NSDHL: variants seen among roughly 807,000 people sequenced by gnomAD.
NSDHL encodes sterol-4-alpha-carboxylate 3-dehydrogenase, decarboxylating.
In NSDHL, 1 loss-of-function variant was observed where a neutral mutation model predicts 23.0. That is an observed-to-expected ratio of 0.04 (90% confidence interval 0.02 to 0.21). The LOEUF is 0.21. Ranked by LOEUF, NSDHL falls within the 10% of genes least tolerant of loss-of-function variation. The pLI is 1.00. For synonymous variants in NSDHL, 128 were observed against 121.1 expected, an observed-to-expected ratio of 1.06 and a Z score of -0.37; for missense variants, 237 against 300.9, an observed-to-expected ratio of 0.79 and a Z score of 1.57.
At chrX:152,858,673 A>C in intron 3 of NSDHL, 97 bp from the exon 4 acceptor site, 2 of 697,003 alleles carry the variant, frequency 2.9e-6, no homozygotes, top group Non-Finnish European at 4.6e-6. Flanking sequence ...TTATAAGACA[A>C]GGAACCTACA....
At chrX:152,836,721 C>G (rs908627086) in intron 1 of NSDHL, among the ~76,000 whole-genome samples, 1 of 111,690 alleles carries the variant, frequency 9.0e-6, no homozygotes, top group Non-Finnish European at 1.9e-5. Context: ...TAGTATAGTT[C>G]GAAGTCAAGT....
At chrX:152,840,820 G>T (rs781824323) in intron 1 of NSDHL, among the ~76,000 whole-genome samples, 7 of 112,848 alleles carry the variant, frequency 6.2e-5, no homozygotes. Flanking sequence ...CATGCTGGGA[G>T]AACTACTGCT....
intron 1 of NSDHL, among the ~76,000 whole-genome samples, chrX:152,833,604 CTT>C (rs782000879): frequency 8.9e-6 from 1 of 112,447 alleles, no homozygotes; most frequent in South Asian, 3.7e-4. Flanking sequence ...TGTGCCATCA[CTT>C]TGTCCTTCCC....
At position 152,853,004 on chromosome X, in the gene NSDHL, T is replaced by C. The variant is rs140549032; in HGVS notation, c.267+2581T>C. Among the ~76,000 whole-genome samples the C allele has an allele frequency of 5.4e-3, 600 of 110,191 alleles. 2 individuals are homozygous for C. Among genetic ancestry groups the C allele is most frequent in the Middle Eastern group, 0.023 (5 of 213 alleles). On this transcript the variant is annotated intron_variant, in intron 3 of 7. Transcript: ENST00000370274. ...TAAACTTTGCAGACTCCAGAACTTA[T>C]TCTCTTTTCTTCTCCAAGTTTAGAC...
At chrX:152,832,967 G>A (rs1445824819) in intron 1 of NSDHL, among the ~76,000 whole-genome samples, 2 of 111,420 alleles carry the variant, frequency 1.8e-5, no homozygotes, top group Non-Finnish European at 3.8e-5. Flanking sequence ...CCACCGCTGA[G>A]CAGCAGGATC....
At chrX:152,834,554 C>T (rs1248196262) in intron 1 of NSDHL, among the ~76,000 whole-genome samples, 2 of 112,655 alleles carry the variant, frequency 1.8e-5, no homozygotes, top group African/African-American at 3.2e-5. Flanking sequence ...CATATCACAT[C>T]TTTGAATTCT....
At chrX:152,837,938 G>C (rs1933125924) in intron 1 of NSDHL, among the ~76,000 whole-genome samples, 1 of 111,326 alleles carries the variant, frequency 9.0e-6, no homozygotes, top group South Asian at 3.7e-4. Flanking sequence ...GCCTTTTTTT[G>C]GTTGGTAGGC....
intron 1 of NSDHL, among the ~76,000 whole-genome samples, chrX:152,834,744 G>T (rs1810455961): frequency 8.9e-6 from 1 of 112,772 alleles, no homozygotes; most frequent in African/African-American, 3.2e-5. Flanking sequence ...GGAAATAGGG[G>T]AATCCTCTTT....
intron 4 of NSDHL, among the ~76,000 whole-genome samples, chrX:152,862,226 G>A (rs920661713): frequency 7.1e-5 from 8 of 112,224 alleles, no homozygotes; most frequent in Non-Finnish European, 1.5e-4. Flanking sequence ...AGAAGTTTGC[G>A]GGCTGCCCTT....
intron 3 of NSDHL, among the ~76,000 whole-genome samples, chrX:152,855,693 A>G (rs1307326237): frequency 9.0e-6 from 1 of 110,697 alleles, no homozygotes; most frequent in East Asian, 2.8e-4. Context: ...TTTTTGTACT[A>G]TTTCATAGGA....
intron 1 of NSDHL, among the ~76,000 whole-genome samples, chrX:152,836,360 G>A (rs1285689893): frequency 8.9e-6 from 1 of 112,086 alleles, no homozygotes; most frequent in Non-Finnish European, 1.9e-5. Flanking sequence ...TGGTGTTTTA[G>A]TCATGAAGTC....
intron 3 of NSDHL, 136 bp from the exon 4 acceptor site, chrX:152,858,634 G>A: frequency 1.9e-6 from 1 of 527,784 alleles, no homozygotes; most frequent in Non-Finnish European, 3.3e-6. Context: ...ATTCTTTTAT[G>A]AGAATGTATT....
intron 2 of NSDHL, among the ~76,000 whole-genome samples, chrX:152,847,867 C>CTT (rs1165079425): frequency 6.9e-5 from 7 of 100,981 alleles, no homozygotes; most frequent in African/African-American, 2.2e-4. Flanking sequence ...GGTTTTTTTT[C>CTT]TTTTTTTTTT....
At chrX:152,842,086 G>A (rs1315362113) in intron 1 of NSDHL, among the ~76,000 whole-genome samples, 1 of 112,382 alleles carries the variant, frequency 8.9e-6, no homozygotes, top group Non-Finnish European at 1.9e-5. Context: ...TGTGTGGCTA[G>A]ACCATATTTT....
At chrX:152,854,173 G>A (rs1933403795) in intron 3 of NSDHL, among the ~76,000 whole-genome samples, 1 of 111,553 alleles carries the variant, frequency 9.0e-6, no homozygotes, top group African/African-American at 3.3e-5. Flanking sequence ...GATTTCAAGG[G>A]AACCCTCCAG....
At chrX:152,846,648 G>A (rs1332787886) in intron 2 of NSDHL, among the ~76,000 whole-genome samples, 3 of 112,448 alleles carry the variant, frequency 2.7e-5, no homozygotes, top group Non-Finnish European at 5.6e-5. Context: ...CTGTGGTTTC[G>A]GCTGAGCCCA....
At chrX:152,866,861 C>G (rs1422797340) in intron 6 of NSDHL, among the ~76,000 whole-genome samples, 4 of 112,197 alleles carry the variant, frequency 3.6e-5, no homozygotes, top group East Asian at 2.8e-4. Context: ...GGATACTGTT[C>G]AATCCAGTGT....
At chrX:152,837,632 C>A (rs1310472004) in intron 1 of NSDHL, among the ~76,000 whole-genome samples, 1 of 112,199 alleles carries the variant, frequency 8.9e-6, no homozygotes, top group Non-Finnish European at 1.9e-5. Flanking sequence ...AGCCTTGCAT[C>A]CCTAGGATGA....
chrX:152,838,461 C>G (rs1279942456), intron 1 of NSDHL, among the ~76,000 whole-genome samples: 3 of 111,775 alleles, frequency 2.7e-5, no homozygotes, highest in Non-Finnish European at 5.6e-5. Context: ...CCTCTACGCA[C>G]TGCTTTAAAT....
Sources: allele counts gnomAD v4.1 joint callset (sites outside exome capture counted in the v4.1 genomes callset), GRCh38; gene constraint gnomAD v4.1.1; transcripts MANE v1.5; gene names NCBI Gene and HGNC (gene_info 2026-07-23, HGNC 2026-07-21).